The following SEC23A variants were observed in gnomAD, a reference collection of about 807,000 sequenced individuals.
The protein encoded by SEC23A is protein transport protein Sec23A.
SEC23A carries 56 observed loss-of-function variants against 103.7 expected under a neutral mutation model. The observed-to-expected ratio is 0.54, with a 90% CI of 0.44 to 0.67. The LOEUF is 0.67. Among genes scored for constraint, SEC23A ranks in the 30% least tolerant of loss-of-function variants. SEC23A has a pLI of 0.00. For missense variants in SEC23A, 784 were observed against 936.4 expected (o/e 0.84, Z 2.12); for synonymous variants, 281 against 293.0 (o/e 0.96, Z 0.42).
At position 39,085,868 on chromosome 14, in the gene SEC23A, G is replaced by A. The variant is rs1315008818; in HGVS notation, c.722C>T (p.Thr241Ile). Residue 241 changes from threonine to isoleucine, a missense_variant, in exon 7 of 20, where the codon ACA (threonine) becomes ATA (isoleucine). Thr to Ile is a moderately conservative substitution (Grantham distance 89). Transcript: ENST00000307712. Reference sequence around the variant, plus strand: ...TCGCTGGAGTTCTCCCAGAAGATCTGTGAGATTCATGTCTATTTTCTGTAC... The same window carrying A: ...TCGCTGGAGTTCTCCCAGAAGATCTATGAGATTCATGTCTATTTTCTGTAC... ...QPVQKIDMNLTDLLGELQRDP... is the reference protein window; with the variant it reads ...QPVQKIDMNLIDLLGELQRDP... 6 of 1,613,512 alleles carry A rather than the reference G, an allele frequency of 3.7e-6. No individual in the cohort carries two copies. In the African/African-American group the frequency reaches 8.0e-5, roughly 22 times the overall value.
At chr14:39,055,409 GA>G in intron 13 of SEC23A, 113 bp from the exon 14 acceptor site, 1 of 940,952 alleles carries the variant, frequency 1.1e-6, no homozygotes, top group Non-Finnish European at 1.5e-6. Flanking sequence ...AAACTACTAG[GA>G]TTTTTTTTTT....
intron 14 of SEC23A, among the ~76,000 whole-genome samples, chr14:39,051,690 G>A (rs1055132189): frequency 2.6e-5 from 4 of 152,064 alleles, no homozygotes; most frequent in African/African-American, 9.7e-5. Context: ...CTAGCCGGGC[G>A]TGGTGGTTCA....
chr14:39,046,179 A>C (rs1230217883), intron 15 of SEC23A, among the ~76,000 whole-genome samples: 1 of 152,088 alleles, frequency 6.6e-6, no homozygotes, highest in Non-Finnish European at 1.5e-5. Context: ...GAGTCAATTA[A>C]GCCTCTTGGC....
intron 19 of SEC23A, among the ~76,000 whole-genome samples, chr14:39,038,091 T>C (rs779035049): frequency 6.6e-6 from 1 of 152,232 alleles, no homozygotes; most frequent in Non-Finnish European, 1.5e-5. Context: ...CACAATTTAC[T>C]TGTACAACAC....
intron 12 of SEC23A, among the ~76,000 whole-genome samples, 159 bp from the exon 13 acceptor site, chr14:39,062,030 A>G (rs1046192657): frequency 6.6e-6 from 1 of 152,234 alleles, no homozygotes; most frequent in Non-Finnish European, 1.5e-5. Flanking sequence ...TTTGTTACAC[A>G]GAAGAGGAGA....
rs765231047 is a variant in SEC23A at position 39,085,827 on chromosome 14, G to T, written c.763C>A (p.Pro255Thr). ...GAACGCAAAGGTCTCTTTCCCTGTG[G>T]TACAGGCCAAGGGTCTCGCTGGAGT... ...GELQRDPWPV[P>T]QGKRPLRSSG... Residue 255 changes from proline to threonine, a missense_variant, in exon 7 of 20, where the codon CCA becomes ACA. This residue lies in a region of SEC23A where 683 missense variants were observed against 774.2 expected (regional missense o/e 0.88). Transcript: ENST00000307712. The T allele has an allele frequency of 2.5e-6, 4 of 1,613,600 alleles. No individual in the cohort carries two copies. Among genetic ancestry groups the T allele is most frequent in the Non-Finnish European group, 3.4e-6 (4 of 1,179,818 alleles).
At chr14:39,101,938 T>C (rs1056614983) in intron 1 of SEC23A, among the ~76,000 whole-genome samples, 2 of 152,026 alleles carry the variant, frequency 1.3e-5, no homozygotes, top group Admixed American at 6.6e-5. Flanking sequence ...CAATTAAAAA[T>C]AGCTGGACTC....
At chr14:39,079,344 CCTT>C (rs1471883310) in intron 7 of SEC23A, among the ~76,000 whole-genome samples, 2 of 152,076 alleles carry the variant, frequency 1.3e-5, no homozygotes, top group Non-Finnish European at 2.9e-5. Flanking sequence ...ATGAAAGTAT[CCTT>C]CTCTGTGTAT....
intron 1 of SEC23A, among the ~76,000 whole-genome samples, chr14:39,102,034 C>A (rs1419265741): frequency 6.6e-6 from 1 of 152,134 alleles, no homozygotes; most frequent in Non-Finnish European, 1.5e-5. Context: ...GAGTTCGAGA[C>A]CAGCCTGGCC....
chr14:39,058,154 T>C (rs1180438652), intron 13 of SEC23A, among the ~76,000 whole-genome samples: 2 of 152,212 alleles, frequency 1.3e-5, no homozygotes, highest in South Asian at 2.1e-4. Flanking sequence ...ATTTCAGATA[T>C]AGTGACTGGC....
chr14:39,088,148 T>C (rs1277730418), intron 5 of SEC23A: 1 of 152,196 alleles, frequency 6.6e-6, no homozygotes, highest in African/African-American at 2.4e-5. Context: ...AGTTTAAGAT[T>C]TGAATCCAGG....
At position 39,032,078 on chromosome 14, in the gene SEC23A, A is replaced by G. The variant is rs751936323; in HGVS notation, c.*1161T>C. 2.6e-5 allele frequency: 4 copies of G among 152,656 alleles called. No individual in the cohort carries two copies. Among genetic ancestry groups the G allele is most frequent in the Non-Finnish European group, 5.9e-5 (4 of 68,014 alleles). The allele number at this position is 152,656 out of a possible 1,614,324, so 9.5% of individuals were successfully genotyped here. A position where few individuals can be genotyped will look rare whatever the true frequency, so the allele number is the denominator to read the frequency against. On this transcript the variant is annotated 3_prime_UTR_variant, in exon 20 of 20. Coordinates refer to ENST00000307712, the MANE Select transcript of SEC23A (RefSeq NM_006364.4). ...CATATGATTGTGTTCATGCAAGTAC[A>G]ATCATTAAAACTGTCCTCCTAAGCA...
intron 7 of SEC23A, among the ~76,000 whole-genome samples, chr14:39,085,315 T>C (rs969085498): frequency 7.2e-5 from 11 of 152,180 alleles, no homozygotes; most frequent in African/African-American, 2.7e-4. Context: ...CTTCGTAATA[T>C]CTTTATCATA....
intron 14 of SEC23A, among the ~76,000 whole-genome samples, chr14:39,050,808 G>GAAGAAAGAAAGAAAGA (rs3064945): frequency 1.6e-4 from 24 of 150,724 alleles, no homozygotes; most frequent in African/African-American, 3.2e-4. Flanking sequence ...GGAAAGAAAG[G>GAAGAAAGAAAGAAAGA]AAGAAAGAAA....
At chr14:39,060,701 T>C (rs1886444917) in intron 13 of SEC23A, among the ~76,000 whole-genome samples, 1 of 152,242 alleles carries the variant, frequency 6.6e-6, no homozygotes, top group South Asian at 2.1e-4. Context: ...AATAATTTAT[T>C]CGTAATTCTT....
In SEC23A at chr14:39,058,519, G is replaced by C. The variant is rs562911368; in HGVS notation, c.1506-3223C>G. Among the ~76,000 whole-genome samples the C allele has an allele frequency of 6.6e-5, 10 of 152,248 alleles. No individual in the cohort carries two copies. The South Asian group carries it at 2.1e-3, about 32-fold the overall frequency. ...AGACGGGGTTTCACCTTGTTAGCCAGGATGGTCTTGATCTCCTGACCTCAT... is the reference window on the plus strand; with the variant it reads ...AGACGGGGTTTCACCTTGTTAGCCACGATGGTCTTGATCTCCTGACCTCAT... On this transcript the variant is annotated intron_variant, in intron 13 of 19. Coordinates refer to ENST00000307712, the MANE Select transcript of SEC23A (RefSeq NM_006364.4).
At chr14:39,094,379 C>T (rs1887784759) in intron 2 of SEC23A, among the ~76,000 whole-genome samples, 1 of 23,130 alleles carries the variant, frequency 4.3e-5, no homozygotes, top group Non-Finnish European at 7.9e-5. Flanking sequence ...TATATACACA[C>T]ACACACACAC....
At chr14:39,043,657 A>C (rs1885727500) in intron 16 of SEC23A, among the ~76,000 whole-genome samples, 1 of 152,230 alleles carries the variant, frequency 6.6e-6, no homozygotes, top group African/African-American at 2.4e-5. Flanking sequence ...TCCCTTAAGC[A>C]TGTCAACACT....
At chr14:39,086,041 G>A in intron 6 of SEC23A, 135 bp from the exon 7 acceptor site, 1 of 786,232 alleles carries the variant, frequency 1.3e-6, no homozygotes, top group South Asian at 1.4e-5. Context: ...AAACTTTCGT[G>A]TATATGAGAA....
Sources: allele counts gnomAD v4.1 joint callset (sites outside exome capture counted in the v4.1 genomes callset), GRCh38; gene constraint gnomAD v4.1.1; regional missense constraint gnomAD v4.1.1; transcripts MANE v1.5; gene names NCBI Gene and HGNC (gene_info 2026-07-23, HGNC 2026-07-21).